PHKB: variants seen among roughly 807,000 people sequenced by gnomAD.
PHKB encodes the protein phosphorylase b kinase regulatory subunit beta.
In PHKB, 122 loss-of-function variants were observed where a neutral mutation model predicts 152.1. That is an observed-to-expected ratio of 0.80 (90% CI 0.69 to 0.93). The LOEUF (loss-of-function observed/expected upper bound fraction) is 0.93, where lower values mean the gene tolerates loss of function less well. PHKB is among the 40% of genes least tolerant of loss of function. The probability of loss-of-function intolerance (pLI) is 0.00; values close to 1 mark genes in which losing one functional copy is unlikely to be tolerated. For missense variants in PHKB, 1,304 were observed against 1,328.4 expected (o/e 0.98, Z 0.29); for synonymous variants, 436 against 464.9 (o/e 0.94, Z 0.80).
intron 14 of PHKB, among the ~76,000 whole-genome samples, chr16:47,619,595 T>C (rs1196769846): frequency 6.6e-6 from 1 of 152,226 alleles, no homozygotes; most frequent in Non-Finnish European, 1.5e-5. Flanking sequence ...TTACTCCCTC[T>C]CCCCATTCAC....
chr16:47,638,540 T>G (rs1440599350), intron 14 of PHKB, among the ~76,000 whole-genome samples: 1 of 152,172 alleles, frequency 6.6e-6, no homozygotes, highest in East Asian at 1.9e-4. Context: ...CATAAACATT[T>G]TAAAAATAAA....
chr16:47,643,228 C>T (rs1300592705), intron 16 of PHKB, among the ~76,000 whole-genome samples: 1 of 152,152 alleles, frequency 6.6e-6, no homozygotes, highest in Non-Finnish European at 1.5e-5. Context: ...CAGCAACAAA[C>T]ACATGCTATA....
chr16:47,572,696 A>T (rs1971682631), intron 7 of PHKB, among the ~76,000 whole-genome samples: 1 of 152,160 alleles, frequency 6.6e-6, no homozygotes, highest in Non-Finnish European at 1.5e-5. Flanking sequence ...TAGACTCTGT[A>T]AGATTTCCTT....
rs1422773537 is a variant in PHKB, at chr16:47,613,504, T to C, written c.1458+2584T>C. ...AACCAGATGTTCACCATAAACCACA[T>C]TGTTAGTGCCAACTCTCTGGACAAA... On this transcript the variant is annotated intron_variant, in intron 14 of 30. Transcript: ENST00000323584. Among the ~76,000 whole-genome samples, 6 of 152,312 alleles carry C rather than the reference T, an allele frequency of 3.9e-5. No individual in the cohort carries two copies. In the East Asian group the frequency reaches 1.2e-3, roughly 29 times the overall value.
intron 6 of PHKB, among the ~76,000 whole-genome samples, chr16:47,543,443 G>T (rs945273180): frequency 3.3e-5 from 5 of 152,182 alleles, no homozygotes. Context: ...GTTCTTCAGG[G>T]ATATTGGTCT....
intron 1 of PHKB, among the ~76,000 whole-genome samples, chr16:47,489,381 AAAAC>A (rs1970106522): frequency 6.6e-6 from 1 of 152,240 alleles, no homozygotes; most frequent in African/African-American, 2.4e-5. Flanking sequence ...TTTTTGCTAA[AAAAC>A]AAAACGAAAC....
chr16:47,624,381 G>A (rs1972672256), intron 14 of PHKB, among the ~76,000 whole-genome samples: 2 of 152,204 alleles, frequency 1.3e-5, no homozygotes, highest in Non-Finnish European at 2.9e-5. Flanking sequence ...ACCCTATGTA[G>A]CAGAACATGA....
chr16:47,604,424 T>TAC lies in PHKB; in HGVS notation c.1364-6386_1364-6385dup, dbSNP rs370668631. On this transcript the variant is annotated intron_variant, in intron 13 of 30. Coordinates refer to ENST00000323584, the MANE Select transcript of PHKB (RefSeq NM_000293.3). ...TTGTTAATCAGTTGACTAAAATGCA[T>TAC]ACACACACACACACACATGTATTTG... is the stretch of plus-strand genomic sequence containing the variant. Among the ~76,000 whole-genome samples the TAC allele has an allele frequency of 6.6e-3, 1,003 of 151,438 alleles. 5 individuals carry two copies. Among genetic ancestry groups the TAC allele is most frequent in the South Asian group, 8.7e-3 (42 of 4,806 alleles).
chr16:47,535,829 A>G (rs1182326632), intron 6 of PHKB, among the ~76,000 whole-genome samples: 1 of 152,230 alleles, frequency 6.6e-6, no homozygotes, highest in Non-Finnish European at 1.5e-5. Context: ...AACACCACAG[A>G]TGACATTTGG....
intron 29 of PHKB, among the ~76,000 whole-genome samples, chr16:47,696,866 A>G (rs1460237117): frequency 5.3e-5 from 8 of 152,194 alleles, no homozygotes; most frequent in African/African-American, 1.7e-4. Context: ...AATAAGCACA[A>G]CTATTGTAGA....
intron 25 of PHKB, 89 bp downstream of exon 25, chr16:47,665,064 T>C (rs1973514712): frequency 6.1e-6 from 5 of 824,518 alleles, no homozygotes; most frequent in South Asian, 2.8e-5. Context: ...TTTGGTCTTA[T>C]AGTGTGTGGG....
chr16:47,620,766 C>G (rs915779854), intron 14 of PHKB, among the ~76,000 whole-genome samples: 1 of 151,754 alleles, frequency 6.6e-6, no homozygotes, highest in African/African-American at 2.4e-5. Flanking sequence ...CCCAGCTACT[C>G]GGGAGGCTGA....
intron 14 of PHKB, among the ~76,000 whole-genome samples, chr16:47,613,732 G>A (rs1048230887): frequency 6.6e-6 from 1 of 152,052 alleles, no homozygotes; most frequent in Non-Finnish European, 1.5e-5. Flanking sequence ...TCACCATAAG[G>A]CTTCCTTGTG....
intron 1 of PHKB, among the ~76,000 whole-genome samples, chr16:47,473,218 A>ATTTTTTTCTTTTT (rs1969807742): frequency 6.2e-5 from 3 of 48,738 alleles, no homozygotes; most frequent in African/African-American, 2.4e-4. Flanking sequence ...TGCCTGGCTA[A>ATTTTTTTCTTTTT]TTTTTTTTTT....
intron 14 of PHKB, among the ~76,000 whole-genome samples, chr16:47,634,290 A>C (rs1412071953): frequency 1.3e-5 from 2 of 152,132 alleles, no homozygotes; most frequent in Non-Finnish European, 2.9e-5. Flanking sequence ...CTTTTGTTTG[A>C]TCCTCTCCTT....
At chr16:47,693,673 A>AT (rs1974102115) in intron 28 of PHKB, among the ~76,000 whole-genome samples, 166 bp downstream of exon 28, 2 of 152,060 alleles carry the variant, frequency 1.3e-5, no homozygotes, top group African/African-American at 4.8e-5. Flanking sequence ...TGGATTGAAA[A>AT]TTTTTTTCCC....
chr16:47,537,345 A>G (rs1970969614), intron 6 of PHKB, among the ~76,000 whole-genome samples: 2 of 152,278 alleles, frequency 1.3e-5, no homozygotes, highest in Admixed American at 1.3e-4. Context: ...TGAAGAAAGC[A>G]GAAACAGGGA....
intron 26 of PHKB, among the ~76,000 whole-genome samples, chr16:47,669,696 G>A (rs16945483): frequency 0.021 from 3,202 of 152,288 alleles, 119 homozygotes; most frequent in African/African-American, 0.073. Flanking sequence ...GCTGTGTCGT[G>A]TAAAACGCTA....
rs1354810618 is a variant in PHKB, at chr16:47,649,113, T to C, written c.1706T>C (p.Leu569Pro). The C allele has an allele frequency of 6.3e-7, 1 of 1,597,070 alleles. No homozygotes were observed. The highest frequency in any genetic ancestry group is 1.3e-5 in the African/African-American group (1 of 74,606). Residue 569 changes from leucine (L) to proline (P), a missense_variant, in exon 18 of 31, where the codon CTA (leucine) becomes CCA (proline). By Grantham distance (98) the Leu-to-Pro change is moderately conservative. Coordinates refer to ENST00000323584, the MANE Select transcript of PHKB (RefSeq NM_000293.3). Reference protein sequence around the residue: ...CLGTSKIYRILGKTVVCYPII... With the variant: ...CLGTSKIYRIPGKTVVCYPII... ...TTTCCCTTACAGATTTATCGCATTC[T>C]AGGAAAGACTGTGGTTTGTTACCCG...
Sources: allele counts gnomAD v4.1 joint callset (sites outside exome capture counted in the v4.1 genomes callset), GRCh38; gene constraint gnomAD v4.1.1; transcripts MANE v1.5; gene names NCBI Gene and HGNC (gene_info 2026-07-23, HGNC 2026-07-21).